The following ZNF700 variants were observed in gnomAD, a reference collection of about 807,000 sequenced individuals.
ZNF700 encodes the protein zinc finger protein 700.
ZNF700 carries 38 observed loss-of-function variants against 65.3 expected under a neutral mutation model. The ratio of observed to expected loss-of-function variants is 0.58; its 90% CI spans 0.45 to 0.76. ZNF700 has a LOEUF of 0.76. Ranked by LOEUF, ZNF700 falls within the 30% of genes least tolerant of loss-of-function variation. The pLI is 0.00. For missense variants in ZNF700, 857 were observed against 888.4 expected, an observed-to-expected ratio of 0.96 and a Z score of 0.45; for synonymous variants, 285 against 290.4, an observed-to-expected ratio of 0.98 and a Z score of 0.19.
chr19:11,925,588 G>A (rs1485373327), intron 1 of ZNF700, among the ~76,000 whole-genome samples: 3 of 152,242 alleles, frequency 2.0e-5, no homozygotes, highest in African/African-American at 7.2e-5. Context: ...GGGTCATGGA[G>A]GCATCCTGAC....
chr19:11,934,180 T>A (rs1972755640), intron 1 of ZNF700, among the ~76,000 whole-genome samples: 1 of 144,350 alleles, frequency 6.9e-6, no homozygotes, highest in Admixed American at 6.7e-5. Flanking sequence ...ACCTCATCTA[T>A]TTTTTTTTAA....
chr19:11,935,100 C>G (rs541724658), intron 1 of ZNF700, among the ~76,000 whole-genome samples: 1 of 138,784 alleles, frequency 7.2e-6, no homozygotes, highest in African/African-American at 3.0e-5. Context: ...GGCATGAACC[C>G]GGGAGGCGGA....
Position 11,949,937 on chromosome 19 carries a change from A to G in ZNF700, c.1913A>G (p.His638Arg), listed in dbSNP as rs758672344. ...AGATCTGCCTCAAACCTTCAGATGC[A>G]TGAAAGGACTCACACTGGAGAGAAA... ...AFRSASNLQM[H>R]ERTHTGEKPY... is the part of the protein sequence containing the mutation. Residue 638 changes from histidine (H) to arginine (R), a missense_variant, in exon 4 of 4, where the codon CAT becomes CGT. Physicochemically the swap from His to Arg is conservative, Grantham distance 29. Transcript: ENST00000254321. 1.2e-6 allele frequency: 2 copies of G among 1,614,030 alleles called. No homozygotes were observed. The highest frequency in any genetic ancestry group is 1.7e-6 in the Non-Finnish European group (2 of 1,180,034).
At position 11,950,123 on chromosome 19, in the gene ZNF700, G is replaced by C; in HGVS notation, c.2099G>C (p.Gly700Ala). Reference sequence around the variant, plus strand: ...CAAATACATGCAAGAACACACATTGGAGAGAAACACTATGAATGTAAGGAA... The same window carrying C: ...CAAATACATGCAAGAACACACATTGCAGAGAAACACTATGAATGTAAGGAA... Reference protein sequence around the residue: ...ILQIHARTHIGEKHYECKECG... With the variant: ...ILQIHARTHIAEKHYECKECG... Residue 700 changes from glycine to alanine, a missense_variant, in exon 4 of 4, where the codon GGA (glycine) becomes GCA (alanine). Coordinates refer to ENST00000254321, the MANE Select transcript of ZNF700 (RefSeq NM_144566.3). 6.2e-7 allele frequency: 1 copy of C among 1,614,132 alleles called. No homozygotes were observed.
In ZNF700 at chr19:11,950,283, TCA is replaced by T. The variant is rs761169240; in HGVS notation, c.*34_*35del. 2 of 1,586,014 alleles carry T rather than the reference TCA, an allele frequency of 1.3e-6. No individual in the cohort carries two copies. Among genetic ancestry groups the T allele is most frequent in the Non-Finnish European group, 1.7e-6 (2 of 1,169,082 alleles). ...GTTCCTTTTATGGACATGAATAGAC[TCA>T]CACTGGAAGGAAGCACTATGAATGC... is the stretch of plus-strand genomic sequence containing the variant. On this transcript the variant is annotated 3_prime_UTR_variant, in exon 4 of 4. Transcript: ENST00000254321.
At chr19:11,936,350 T>G (rs965614131) in intron 1 of ZNF700, among the ~76,000 whole-genome samples, 2 of 152,214 alleles carry the variant, frequency 1.3e-5, no homozygotes, top group Admixed American at 1.3e-4. Flanking sequence ...CCAGCACCTG[T>G]TGTTTCCTGA....
In ZNF700 at chr19:11,948,550, A is replaced by G; in HGVS notation, c.526A>G (p.Arg176Gly). Residue 176 changes from arginine (R) to glycine (G), a missense_variant, in exon 4 of 4, where the codon AGG (arginine) becomes GGG (glycine). Around this residue, in one of 3 missense-constraint regions of ZNF700, gnomAD observed 603 missense variants for 619.9 expected, o/e 0.97. Coordinates refer to ENST00000254321, the MANE Select transcript of ZNF700 (RefSeq NM_144566.3). ...ACAACCTAAAAATAAGAAAGCCTTC[A>G]GGTATCGCCCATCCATTAGAACACA... Reference protein sequence around the residue: ...CQQPKNKKAFRYRPSIRTQER... With the variant: ...CQQPKNKKAFGYRPSIRTQER... 1 of 1,609,270 alleles carries G rather than the reference A, an allele frequency of 6.2e-7. No individual in the cohort carries two copies. Among genetic ancestry groups the G allele is most frequent in the Non-Finnish European group, 8.5e-7 (1 of 1,178,988 alleles).
chr19:11,934,671 C>T (rs1354380532), intron 1 of ZNF700, among the ~76,000 whole-genome samples: 1 of 147,254 alleles, frequency 6.8e-6, no homozygotes, highest in Admixed American at 6.7e-5. Flanking sequence ...GGATTACAGG[C>T]GTGCGCTGCC....
chr19:11,947,386 G>A (rs1972976748), intron 2 of ZNF700, 79 bp downstream of exon 2: 3 of 1,607,354 alleles, frequency 1.9e-6, no homozygotes, highest in Non-Finnish European at 2.5e-6. Flanking sequence ...GAGTGATTTT[G>A]AACATAGACA....
At chr19:11,948,078 C>A (rs970878237) in intron 3 of ZNF700, among the ~76,000 whole-genome samples, 198 bp from the exon 4 acceptor site, 1 of 152,080 alleles carries the variant, frequency 6.6e-6, no homozygotes, top group African/African-American at 2.4e-5. Context: ...TTAAGAAGCC[C>A]CTTATGAATA....
At chr19:11,947,105 C>T in intron 1 of ZNF700, 76 bp from the exon 2 acceptor site, 1 of 1,551,030 alleles carries the variant, frequency 6.4e-7, no homozygotes, top group East Asian at 2.3e-5. Flanking sequence ...ATCCTGAGAA[C>T]TTCTTGGGAA....
chr19:11,940,463 T>C (rs1461877357), intron 1 of ZNF700, among the ~76,000 whole-genome samples: 4 of 151,986 alleles, frequency 2.6e-5, no homozygotes, highest in Admixed American at 2.6e-4. Context: ...CAGACCTTCG[T>C]GGTGAGTGTT....
chr19:11,931,106 A>T (rs1342360233), intron 1 of ZNF700, among the ~76,000 whole-genome samples: 2 of 148,222 alleles, frequency 1.3e-5, no homozygotes, highest in Non-Finnish European at 2.9e-5. Flanking sequence ...ATTAGTATAG[A>T]GTACAAAGCT....
chr19:11,925,518 C>T (rs1468237034), intron 1 of ZNF700, among the ~76,000 whole-genome samples: 1 of 151,684 alleles, frequency 6.6e-6, no homozygotes, highest in Non-Finnish European at 1.5e-5. Context: ...CCGGAGCCCT[C>T]TCTGGGCAGT....
chr19:11,947,147 AC>A, intron 1 of ZNF700, 33 bp from the exon 2 acceptor site: 1 of 1,606,348 alleles, frequency 6.2e-7, no homozygotes, highest in Non-Finnish European at 8.5e-7. Context: ...TGTCACTCTC[AC>A]CCATCTTCCT....
chr19:11,947,819 A>G (rs1194660853), intron 3 of ZNF700, among the ~76,000 whole-genome samples: 7 of 152,220 alleles, frequency 4.6e-5, no homozygotes, highest in Non-Finnish European at 8.8e-5. Flanking sequence ...CAGCCTGTGC[A>G]ACATAACGAG....
chr19:11,947,478 C>T, intron 2 of ZNF700, 36 bp from the exon 3 acceptor site: 5 of 1,606,242 alleles, frequency 3.1e-6, no homozygotes, highest in East Asian at 4.5e-5. Flanking sequence ...CAATTTTATA[C>T]TGCTTCAGGA....
At chr19:11,929,920 G>A (rs917309175) in intron 1 of ZNF700, among the ~76,000 whole-genome samples, 1 of 148,240 alleles carries the variant, frequency 6.7e-6, no homozygotes, top group Admixed American at 6.6e-5. Context: ...ATGTCTTTGG[G>A]ATGAGGTTCC....
rs531785373 is a variant in ZNF700, at chr19:11,946,112, C to A, written c.64-1069C>A. On this transcript the variant is annotated intron_variant, in intron 1 of 3. Coordinates refer to ENST00000254321, the MANE Select transcript of ZNF700 (RefSeq NM_144566.3). ...CCTGGTCCCCCTTAGTCCAGTAGCC[C>A]TTCTGCCAGATTAAACAAGGCCCTT... Among the ~76,000 whole-genome samples, 256 of 152,278 alleles carry A rather than the reference C, an allele frequency of 1.7e-3. 3 individuals are homozygous for A. Among genetic ancestry groups the A allele is most frequent in the African/African-American group, 5.8e-3 (241 of 41,564 alleles).
Sources: allele counts gnomAD v4.1 joint callset (sites outside exome capture counted in the v4.1 genomes callset), GRCh38; gene constraint gnomAD v4.1.1; regional missense constraint gnomAD v4.1.1; transcripts MANE v1.5; gene names NCBI Gene and HGNC (gene_info 2026-07-23, HGNC 2026-07-21).